The following SPRED1 variants were observed in gnomAD, a reference collection of about 807,000 sequenced individuals.
SPRED1 encodes sprouty-related, EVH1 domain-containing protein 1.
SPRED1 carries 18 observed loss-of-function variants against 52.3 expected under a neutral mutation model. The observed-to-expected ratio is 0.34, with a 90% confidence interval of 0.24 to 0.51. The LOEUF (loss-of-function observed/expected upper bound fraction) is 0.51, where lower values mean the gene tolerates loss of function less well. Among genes scored for constraint, SPRED1 ranks in the 20% least tolerant of loss-of-function variants. The pLI is 0.97. For synonymous variants in SPRED1, 155 were observed against 179.7 expected, an observed-to-expected ratio of 0.86 and a Z score of 1.10; for missense variants, 485 against 551.0, an observed-to-expected ratio of 0.88 and a Z score of 1.20.
intron 5 of SPRED1, among the ~76,000 whole-genome samples, chr15:38,345,132 G>C (rs910067681): frequency 2.6e-5 from 4 of 152,154 alleles, no homozygotes; most frequent in African/African-American, 7.2e-5. Context: ...TAGAGAATCT[G>C]GCCCTCAGCT....
chr15:38,345,916 A>T (rs1210207587), intron 5 of SPRED1, among the ~76,000 whole-genome samples: 1 of 152,220 alleles, frequency 6.6e-6, no homozygotes, highest in African/African-American at 2.4e-5. Context: ...GCATATGTTC[A>T]CTAGATCTGC....
intron 1 of SPRED1, among the ~76,000 whole-genome samples, chr15:38,297,149 A>G (rs915266993): frequency 2.0e-5 from 3 of 152,160 alleles, no homozygotes; most frequent in Non-Finnish European, 4.4e-5. Context: ...TTTATCATCT[A>G]CCCAGTCTGG....
At chr15:38,320,092 G>A (rs1895572432) in intron 2 of SPRED1, among the ~76,000 whole-genome samples, 1 of 152,082 alleles carries the variant, frequency 6.6e-6, no homozygotes, top group Non-Finnish European at 1.5e-5. Context: ...GATGAGTTTT[G>A]TGTATTTATT....
intron 2 of SPRED1, among the ~76,000 whole-genome samples, chr15:38,311,829 A>G (rs942290888): frequency 7.2e-5 from 11 of 152,060 alleles, no homozygotes; most frequent in Non-Finnish European, 5.9e-5. Context: ...AGATGTATCA[A>G]TTGTATTGGT....
intron 1 of SPRED1, among the ~76,000 whole-genome samples, chr15:38,277,141 T>C (rs1302279457): frequency 2.0e-5 from 3 of 152,174 alleles, no homozygotes; most frequent in Admixed American, 6.5e-5. Context: ...TTAAAACTTT[T>C]AGGTTCAAGG....
chr15:38,297,447 T>G (rs1895062696), intron 1 of SPRED1, among the ~76,000 whole-genome samples: 1 of 152,194 alleles, frequency 6.6e-6, no homozygotes, highest in African/African-American at 2.4e-5. Flanking sequence ...CAGGAGAATT[T>G]AATATCTACA....
intron 1 of SPRED1, among the ~76,000 whole-genome samples, chr15:38,272,102 A>G (rs1278627318): frequency 6.6e-6 from 1 of 152,142 alleles, no homozygotes; most frequent in Admixed American, 6.5e-5. Flanking sequence ...TTGTGGCTGC[A>G]TAGTATTCCA....
chr15:38,349,357 C>T, intron 5 of SPRED1, 65 bp from the exon 6 acceptor site: 2 of 1,225,874 alleles, frequency 1.6e-6, no homozygotes, highest in Non-Finnish European at 2.4e-6. Flanking sequence ...TTGGAACATA[C>T]ACTGTACAGT....
At chr15:38,259,767 AAC>A (rs1279426284) in intron 1 of SPRED1, among the ~76,000 whole-genome samples, 1 of 152,232 alleles carries the variant, frequency 6.6e-6, no homozygotes, top group Admixed American at 6.5e-5. Flanking sequence ...TTAAGAAGTT[AAC>A]TCAGGTAATG....
chr15:38,315,095 G>A (rs1388016476), intron 2 of SPRED1, among the ~76,000 whole-genome samples: 2 of 151,830 alleles, frequency 1.3e-5, no homozygotes, highest in Non-Finnish European at 2.9e-5. Context: ...AGGTTTTTAT[G>A]TCATTCAGAA....
intron 5 of SPRED1, among the ~76,000 whole-genome samples, chr15:38,344,257 A>G (rs1256698514): frequency 2.0e-5 from 3 of 152,212 alleles, no homozygotes; most frequent in East Asian, 1.9e-4. Context: ...ACTGATTCAT[A>G]CAGTTGAGCA....
intron 2 of SPRED1, among the ~76,000 whole-genome samples, chr15:38,319,868 A>G (rs1566866470): frequency 6.6e-6 from 1 of 152,204 alleles, no homozygotes; most frequent in Non-Finnish European, 1.5e-5. Context: ...TTTAACAATC[A>G]GCTTTCAAGA....
intron 2 of SPRED1, among the ~76,000 whole-genome samples, chr15:38,312,199 T>C (rs773654770): frequency 3.3e-5 from 5 of 152,186 alleles, no homozygotes; most frequent in African/African-American, 4.8e-5. Flanking sequence ...AGGGTATTGC[T>C]GTATCAATTG....
At chr15:38,275,654 T>C (rs915288999) in intron 1 of SPRED1, among the ~76,000 whole-genome samples, 2 of 152,134 alleles carry the variant, frequency 1.3e-5, no homozygotes, top group African/African-American at 2.4e-5. Flanking sequence ...CGCACCATCA[T>C]GCCCAGCTAA....
At chr15:38,347,070 T>C (rs1417195678) in intron 5 of SPRED1, among the ~76,000 whole-genome samples, 1 of 152,308 alleles carries the variant, frequency 6.6e-6, no homozygotes, top group East Asian at 1.9e-4. Context: ...GAGCAGACAT[T>C]ATAAATTTTA....
intron 1 of SPRED1, among the ~76,000 whole-genome samples, chr15:38,270,017 C>T (rs1894399141): frequency 6.6e-6 from 1 of 150,602 alleles, no homozygotes; most frequent in Non-Finnish European, 1.5e-5. Context: ...AAGTGATTCT[C>T]CTGCCTCAGC....
At chr15:38,297,299 A>C in intron 1 of SPRED1, among the ~76,000 whole-genome samples, 1 of 152,344 alleles carries the variant, frequency 6.6e-6, no homozygotes, top group Middle Eastern at 3.4e-3. Context: ...TTAATAAAGA[A>C]GGAACATCTT....
rs58636340 is a variant in SPRED1, at chr15:38,273,520, AATATATATATATATATAT to A, written c.32+20324_32+20341del. Among the ~76,000 whole-genome samples, 558 of 142,972 alleles carry A rather than the reference AATATATATATATATATAT, an allele frequency of 3.9e-3. 5 individuals are homozygous for A. The highest frequency in any genetic ancestry group is 0.01 in the African/African-American group (397 of 38,428). The allele number at this position is 142,972 out of a possible 152,430, so 93.8% of individuals were successfully genotyped here. A position where few individuals can be genotyped will look rare whatever the true frequency, so the allele number is the denominator to read the frequency against. ...TTAATTTTTATTTTTATGTATTATT[AATATATATATATATATAT>A]ATATATATATATATATATATGAATA... On this transcript the variant is annotated intron_variant, in intron 1 of 6. Transcript: ENST00000299084.
At chr15:38,281,930 GT>G (rs1227245619) in intron 1 of SPRED1, among the ~76,000 whole-genome samples, 5 of 152,086 alleles carry the variant, frequency 3.3e-5, no homozygotes, top group African/African-American at 1.2e-4. Flanking sequence ...TCGATACCTA[GT>G]TCAGTATGAG....
Sources: allele counts gnomAD v4.1 joint callset (sites outside exome capture counted in the v4.1 genomes callset), GRCh38; gene constraint gnomAD v4.1.1; transcripts MANE v1.5; gene names NCBI Gene and HGNC (gene_info 2026-07-23, HGNC 2026-07-21).